Variants in SYPL1 observed in about 807,000 individuals in gnomAD.
SYPL1 encodes synaptophysin like 1.
Under a neutral mutation model 23.7 loss-of-function variants are expected in SYPL1, and 6 were observed. The observed-to-expected ratio is 0.25, with a 90% CI of 0.14 to 0.50. SYPL1 has a LOEUF of 0.50. SYPL1 is among the 20% of genes least tolerant of loss of function. The pLI is 0.98. For missense variants in SYPL1, 253 were observed against 288.9 expected (o/e 0.88, Z 0.90); for synonymous variants, 102 against 104.5 (o/e 0.98, Z 0.15).
rs1047905257 is a variant in SYPL1, at chr7:106,091,454, C to G, written c.*351G>C. ...TATATTCCAAATAAAGGTTTTTCTT[C>G]CTACTATGGTATGACAATATAACTG... is the stretch of plus-strand genomic sequence containing the variant. On this transcript the variant is annotated 3_prime_UTR_variant, in exon 5 of 5. Transcript: ENST00000455385. The surrounding 1 kb of genome is among the most constrained non-coding windows in gnomAD (Gnocchi z 5.0). 2.3e-5 allele frequency: 4 copies of G among 176,028 alleles called. No individual in the cohort carries two copies. The highest frequency in any genetic ancestry group is 2.3e-4 in the Admixed American group (4 of 17,646). 10.9% of individuals were successfully genotyped at this position (176,028 alleles called of 1,614,324 possible).
At chr7:106,102,958 T>C (rs575327517) in intron 1 of SYPL1, among the ~76,000 whole-genome samples, 15 of 152,182 alleles carry the variant, frequency 9.9e-5, no homozygotes, top group South Asian at 4.1e-4. Flanking sequence ...CCATAAAAGA[T>C]TGTTAAATTC....
chr7:106,092,862 G>C, intron 4 of SYPL1, 87 bp downstream of exon 4: 1 of 1,139,286 alleles, frequency 8.8e-7, no homozygotes, highest in Middle Eastern at 2.2e-4. Flanking sequence ...ACCATCCAGA[G>C]ATTTACTGAA....
At chr7:106,103,410 A>T (rs1443551192) in intron 1 of SYPL1, among the ~76,000 whole-genome samples, 1 of 152,172 alleles carries the variant, frequency 6.6e-6, no homozygotes, top group Non-Finnish European at 1.5e-5. Flanking sequence ...ACCATTTTTC[A>T]TTGGGACTAA....
chr7:106,105,275 A>C (rs950158052), intron 1 of SYPL1, among the ~76,000 whole-genome samples: 1 of 151,948 alleles, frequency 6.6e-6, no homozygotes, highest in Non-Finnish European at 1.5e-5. Context: ...AAAATGAAGG[A>C]GTACTGGTGT....
intron 1 of SYPL1, among the ~76,000 whole-genome samples, chr7:106,103,362 C>T (rs1484631600): frequency 2.0e-5 from 3 of 152,176 alleles, no homozygotes; most frequent in Non-Finnish European, 4.4e-5. Context: ...TGTTTACCTG[C>T]CTACATTACA....
chr7:106,102,606 A>AT lies in SYPL1; in HGVS notation c.70-3325dup, dbSNP rs528464311. On this transcript the variant is annotated intron_variant, in intron 1 of 4. Transcript: ENST00000455385. ...ATGAGAATAAGCTGGAGGCCTTGAG[A>AT]TAACAGCAACCCCAGCCAACAGCTT... Among the ~76,000 whole-genome samples the AT allele has an allele frequency of 1.4e-4, 22 of 152,306 alleles. 1 individual carries two copies. In the East Asian group the frequency reaches 4.3e-3, roughly 29 times the overall value.
At chr7:106,103,107 G>A (rs969293223) in intron 1 of SYPL1, among the ~76,000 whole-genome samples, 1 of 152,054 alleles carries the variant, frequency 6.6e-6, no homozygotes, top group African/African-American at 2.4e-5. Flanking sequence ...TTGCTCACAC[G>A]TACTAAGAGA....
At position 106,109,245 on chromosome 7, in the gene SYPL1, CTT is replaced by C. The variant is rs962978787; in HGVS notation, c.69+2893_69+2894del. 6.6e-6 allele frequency among the ~76,000 whole-genome samples: 1 copy of C among 151,926 alleles called. No homozygotes were observed. Among genetic ancestry groups the C allele is most frequent in the African/African-American group, 2.4e-5 (1 of 41,372 alleles). ...ACTGAGTTGTAAGCTGAACTAGTGG[CTT>C]TTTTTTGTAACCACCAAATTTCTCC... On this transcript the variant is annotated intron_variant, in intron 1 of 4. Coordinates refer to ENST00000455385, the MANE Select transcript of SYPL1 (RefSeq NM_182715.4). This position sits in a 1 kb window ranked among gnomAD's most constrained non-coding sequence, Gnocchi z 4.3.
At position 106,095,724 on chromosome 7, in the gene SYPL1, A is replaced by T. The variant is rs1442105251; in HGVS notation, c.402+1966T>A. Among the ~76,000 whole-genome samples, 1 of 152,188 alleles carries T rather than the reference A, an allele frequency of 6.6e-6. No individual in the cohort carries two copies. Among genetic ancestry groups the T allele is most frequent in the Non-Finnish European group, 1.5e-5 (1 of 68,048 alleles). On this transcript the variant is annotated intron_variant, in intron 3 of 4. Coordinates refer to ENST00000455385, the MANE Select transcript of SYPL1 (RefSeq NM_182715.4). The surrounding 1 kb of genome is among the most constrained non-coding windows in gnomAD (Gnocchi z 4.3). ...ACTGAAAATTAAATTTAGAAGCTAG[A>T]CTTTTATAGACAAGAAGCACCCATT...
chr7:106,111,103 A>C (rs1356395062), intron 1 of SYPL1, among the ~76,000 whole-genome samples: 1 of 152,214 alleles, frequency 6.6e-6, no homozygotes, highest in African/African-American at 2.4e-5. Flanking sequence ...AAATTGCCTA[A>C]CCCCTTGCGC....
Position 106,091,929 on chromosome 7 carries a change from A to T in SYPL1, c.602T>A (p.Phe201Tyr). Reference protein sequence around the residue: ...GSLNVSVIFGFLNMILWGGNA... With the variant: ...GSLNVSVIFGYLNMILWGGNA... ...TCCTCCCCAGAGTATCATATTTAGA[A>T]AGCCAAATATCTATGAAAGAGAAAA... Residue 201 changes from phenylalanine (F) to tyrosine (Y), a missense_variant, in exon 5 of 5, where the codon TTT becomes TAT. Coordinates refer to ENST00000455385, the MANE Select transcript of SYPL1 (RefSeq NM_182715.4). This position sits in a 1 kb window ranked among gnomAD's most constrained non-coding sequence, Gnocchi z 5.0. 1 of 1,610,804 alleles carries T rather than the reference A, an allele frequency of 6.2e-7. No homozygotes were observed. Among genetic ancestry groups the T allele is most frequent in the East Asian group, 2.2e-5 (1 of 44,806 alleles).
intron 3 of SYPL1, 179 bp from the exon 4 acceptor site, chr7:106,093,316 A>C (rs187929066): frequency 1.1e-5 from 6 of 554,202 alleles, no homozygotes; most frequent in Admixed American, 3.5e-5. Flanking sequence ...TGTTACAAGC[A>C]CAGTGCCTGA....
chr7:106,098,496 C>G (rs1840144276), intron 2 of SYPL1, among the ~76,000 whole-genome samples: 1 of 152,078 alleles, frequency 6.6e-6, no homozygotes. Context: ...ATCAAAACAG[C>G]CTTACAAGAT....
chr7:106,112,087 T>C (rs1387957216), intron 1 of SYPL1, 53 bp downstream of exon 1: 4 of 1,350,902 alleles, frequency 3.0e-6, no homozygotes, highest in African/African-American at 1.5e-5. Flanking sequence ...TCTCCCCGCC[T>C]AGGGCGCCGC....
chr7:106,099,454 C>T (rs1041217623), intron 1 of SYPL1, among the ~76,000 whole-genome samples, 172 bp from the exon 2 acceptor site: 2 of 152,160 alleles, frequency 1.3e-5, no homozygotes, highest in African/African-American at 2.4e-5. Context: ...TACACTGGCA[C>T]GATCAGGGCT....
chr7:106,112,520 T>C (rs1473289866), upstream of SYPL1: 2 of 1,521,938 alleles, frequency 1.3e-6, no homozygotes, highest in Admixed American at 2.1e-5. Context: ...AAGTAGATGT[T>C]GGGCGCCATA....
At chr7:106,111,439 T>C (rs1049278335) in intron 1 of SYPL1, among the ~76,000 whole-genome samples, 3 of 152,148 alleles carry the variant, frequency 2.0e-5, no homozygotes, top group African/African-American at 4.8e-5. Flanking sequence ...ATGTTAATGA[T>C]TGTGAGTGTT....
chr7:106,092,717 C>A, intron 4 of SYPL1: 25 of 513,570 alleles, frequency 4.9e-5, no homozygotes, highest in Middle Eastern at 3.0e-4. Context: ...AGATATAAAT[C>A]TGACTAGATG....
intron 1 of SYPL1, among the ~76,000 whole-genome samples, chr7:106,103,965 T>G (rs1432910488): frequency 6.6e-6 from 1 of 152,236 alleles, no homozygotes; most frequent in African/African-American, 2.4e-5. Context: ...ATCCTCAACT[T>G]TATCTTTCTA....
Sources: gnomAD v4.1 joint callset for allele counts (sites outside exome capture counted in the v4.1 genomes callset) on GRCh38, gnomAD v4.1.1 for gene constraint, Gnocchi (gnomAD v3.1) non-coding constraint, MANE v1.5 for transcripts, NCBI Gene and HGNC (gene_info 2026-07-23, HGNC 2026-07-21) for gene names.